The following CPA6 variants were observed in gnomAD, a reference collection of about 807,000 sequenced individuals.
The protein encoded by CPA6 is carboxypeptidase B.
A neutral mutation model predicts 63.3 loss-of-function variants in CPA6; 58 were observed. The ratio of observed to expected loss-of-function variants is 0.92; its 90% CI spans 0.74 to 1.14. The LOEUF (loss-of-function observed/expected upper bound fraction) is 1.14, where lower values mean the gene tolerates loss of function less well. Ranked by LOEUF, CPA6 falls within the 50% of genes most tolerant of loss-of-function variation. The pLI, the probability that CPA6 is intolerant of heterozygous loss-of-function variation, is 0.00. For synonymous variants in CPA6, 185 were observed against 179.0 expected (o/e 1.03, Z -0.27); for missense variants, 565 against 526.6 (o/e 1.07, Z -0.71).
At chr8:67,655,806 T>C (rs929902718) in intron 1 of CPA6, among the ~76,000 whole-genome samples, 2 of 152,068 alleles carry the variant, frequency 1.3e-5, no homozygotes, top group African/African-American at 4.8e-5. Context: ...ACTGTGTGAA[T>C]TGAAAGGCAG....
rs565798425 is a variant in CPA6 at position 67,464,190 on chromosome 8, AT to A, written c.838+19577del. On this transcript the variant is annotated intron_variant, in intron 8 of 10. Transcript: ENST00000297770. ...GCCAGCATCTGTTATTTTTATTATT[AT>A]TTTTTAATAGCCATTTTGATTGGTG... Among the ~76,000 whole-genome samples the A allele has an allele frequency of 4.0e-4, 61 of 152,076 alleles. No individual in the cohort carries two copies. In the East Asian group the frequency reaches 6.2e-3, roughly 15 times the overall value.
chr8:67,472,478 G>A (rs1339295674), intron 8 of CPA6, among the ~76,000 whole-genome samples: 5 of 151,528 alleles, frequency 3.3e-5, no homozygotes, highest in Admixed American at 2.0e-4. Flanking sequence ...AGGCCGGAGT[G>A]CAGTGGCACA....
chr8:67,483,893 A>G, intron 7 of CPA6, 35 bp from the exon 8 acceptor site: 1 of 1,531,840 alleles, frequency 6.5e-7, no homozygotes. Context: ...GCTGAGAAAA[A>G]TACTTAAAAG....
At chr8:67,609,434 T>G (rs1253936144) in intron 2 of CPA6, among the ~76,000 whole-genome samples, 1 of 152,170 alleles carries the variant, frequency 6.6e-6, no homozygotes, top group East Asian at 1.9e-4. Flanking sequence ...GTGATATAGA[T>G]CTTATTTGTA....
intron 10 of CPA6, among the ~76,000 whole-genome samples, chr8:67,423,171 G>A (rs993445695): frequency 5.3e-5 from 8 of 151,902 alleles, no homozygotes; most frequent in Non-Finnish European, 7.4e-5. Context: ...TGCAACCTCC[G>A]CCTCCTGGGT....
intron 2 of CPA6, among the ~76,000 whole-genome samples, chr8:67,590,139 G>A (rs1285548224): frequency 6.6e-6 from 1 of 151,834 alleles, no homozygotes; most frequent in Non-Finnish European, 1.5e-5. Flanking sequence ...AACATGTGGT[G>A]TTTGGTTCTT....
At chr8:67,713,100 T>G (rs1330414453) in intron 1 of CPA6, among the ~76,000 whole-genome samples, 2 of 40,466 alleles carry the variant, frequency 4.9e-5, no homozygotes, top group African/African-American at 2.0e-4. Context: ...TGTGTGTGTG[T>G]ATATATATAT....
chr8:67,512,052 C>T (rs1643949187), intron 3 of CPA6, among the ~76,000 whole-genome samples: 1 of 152,094 alleles, frequency 6.6e-6, no homozygotes, highest in African/African-American at 2.4e-5. Context: ...GGTAGATTCT[C>T]TTGTTATTGG....
chr8:67,478,505 G>A (rs1280609567), intron 8 of CPA6, among the ~76,000 whole-genome samples: 1 of 152,130 alleles, frequency 6.6e-6, no homozygotes, highest in Non-Finnish European at 1.5e-5. Flanking sequence ...GTGGGACTGA[G>A]CCTTTAACCT....
intron 1 of CPA6, among the ~76,000 whole-genome samples, chr8:67,713,005 T>C (rs1380468500): frequency 6.7e-6 from 1 of 150,304 alleles, no homozygotes; most frequent in Non-Finnish European, 1.5e-5. Flanking sequence ...TAAATTATTC[T>C]ATTTATTATT....
chr8:67,488,762 C>T (rs1276766349), intron 6 of CPA6, among the ~76,000 whole-genome samples: 1 of 152,158 alleles, frequency 6.6e-6, no homozygotes, highest in East Asian at 1.9e-4. Flanking sequence ...TTGAAGAGGT[C>T]CTTCACATCC....
chr8:67,427,617 C>T (rs1035306246), intron 10 of CPA6, among the ~76,000 whole-genome samples: 20 of 152,094 alleles, frequency 1.3e-4, no homozygotes, highest in Non-Finnish European at 2.5e-4. Flanking sequence ...ATTCAATGGA[C>T]GGTGCTACAT....
intron 2 of CPA6, among the ~76,000 whole-genome samples, chr8:67,604,840 C>T (rs113406418): frequency 7.2e-5 from 11 of 152,204 alleles, no homozygotes; most frequent in East Asian, 3.9e-4. Flanking sequence ...TGCAATGGTG[C>T]GGTCTCAGCT....
chr8:67,534,611 T>C lies in CPA6; in HGVS notation c.193-16564A>G, dbSNP rs112448903. On this transcript the variant is annotated intron_variant, in intron 2 of 10. Transcript: ENST00000297770. ...TCATGTGTAATATCCTTTGGCAGTA[T>C]CAGGCAGTGCTTGTCTAAGTCTGTT... is the stretch of plus-strand genomic sequence containing the variant. Among the ~76,000 whole-genome samples, 31 of 152,362 alleles carry C rather than the reference T, an allele frequency of 2.0e-4. 1 individual carries two copies. Among genetic ancestry groups the C allele is most frequent in the African/African-American group, 3.4e-4 (14 of 41,586 alleles).
intron 1 of CPA6, among the ~76,000 whole-genome samples, chr8:67,704,043 C>T (rs914946487): frequency 1.3e-5 from 2 of 152,166 alleles, no homozygotes; most frequent in Non-Finnish European, 2.9e-5. Context: ...TTATCCTCCT[C>T]CAGAGGTTCC....
At chr8:67,700,137 T>A (rs1816994501) in intron 1 of CPA6, among the ~76,000 whole-genome samples, 1 of 152,252 alleles carries the variant, frequency 6.6e-6, no homozygotes, top group Non-Finnish European at 1.5e-5. Flanking sequence ...TTAGTCTGTT[T>A]TAAACACTTG....
chr8:67,441,572 G>C (rs1160364619), intron 8 of CPA6, among the ~76,000 whole-genome samples: 1 of 152,014 alleles, frequency 6.6e-6, no homozygotes, highest in East Asian at 1.9e-4. Flanking sequence ...TATCCTACCA[G>C]GTATTAAAAC....
intron 1 of CPA6, among the ~76,000 whole-genome samples, chr8:67,708,138 T>C (rs1817176983): frequency 6.6e-6 from 1 of 152,178 alleles, no homozygotes; most frequent in African/African-American, 2.4e-5. Context: ...AACCCATGGC[T>C]AAGCTTATGG....
At chr8:67,422,755 GTATATAC>G in intron 10 of CPA6, 64 bp from the exon 11 acceptor site, 1 of 1,219,028 alleles carries the variant, frequency 8.2e-7, no homozygotes, top group Non-Finnish European at 1.2e-6. Flanking sequence ...TTTTCTAAAT[GTATATAC>G]TATAAAGTAT....
Sources: allele counts gnomAD v4.1 joint callset (sites outside exome capture counted in the v4.1 genomes callset), GRCh38; gene constraint gnomAD v4.1.1; transcripts MANE v1.5; gene names NCBI Gene and HGNC (gene_info 2026-07-23, HGNC 2026-07-21).